Variants in SYNDIG1 observed in about 807,000 individuals in gnomAD.
SYNDIG1 encodes the protein synapse differentiation inducing 1.
In SYNDIG1, 9 loss-of-function variants were observed where a neutral mutation model predicts 19.4. The ratio of observed to expected loss-of-function variants is 0.46; its 90% CI spans 0.28 to 0.81. The LOEUF is 0.81. Ranked by LOEUF, SYNDIG1 falls within the 30% of genes least tolerant of loss-of-function variation. The pLI is 0.12. For synonymous variants in SYNDIG1, 141 were observed against 145.9 expected (o/e 0.97, Z 0.24); for missense variants, 311 against 343.3 (o/e 0.91, Z 0.74).
In SYNDIG1 at chr20:24,507,406, A is replaced by G. The variant is rs564496789; in HGVS notation, c.-78-35614A>G. Among the ~76,000 whole-genome samples, 4 of 152,372 alleles carry G rather than the reference A, an allele frequency of 2.6e-5. No individual in the cohort carries two copies. The South Asian group carries it at 8.3e-4, about 32-fold the overall frequency. On this transcript the variant is annotated intron_variant, in intron 1 of 3. Coordinates refer to ENST00000376862, the MANE Select transcript of SYNDIG1 (RefSeq NM_024893.3). ...CCTGAAGGAGGAATAAATAAGACTC[A>G]ATACCAATTTGTCCCTGGCTGGTGA...
intron 1 of SYNDIG1, among the ~76,000 whole-genome samples, chr20:24,527,878 G>A (rs1428917063): frequency 1.3e-5 from 2 of 152,152 alleles, no homozygotes; most frequent in African/African-American, 4.8e-5. Context: ...ATGCCCTTCA[G>A]GTGATTCAAA....
chr20:24,574,171 C>T (rs1349510952), intron 2 of SYNDIG1, among the ~76,000 whole-genome samples: 1 of 152,088 alleles, frequency 6.6e-6, no homozygotes, highest in East Asian at 1.9e-4. Flanking sequence ...CTGCAAGGAG[C>T]CAGGCCTCAA....
Position 24,618,458 on chromosome 20 carries a change from C to A in SYNDIG1, c.618+33465C>A, listed in dbSNP as rs184859545. 2.2e-4 allele frequency among the ~76,000 whole-genome samples: 34 copies of A among 152,238 alleles called. No individual in the cohort carries two copies. In the East Asian group the frequency reaches 6.4e-3, roughly 29 times the overall value. On this transcript the variant is annotated intron_variant, in intron 3 of 3. Coordinates refer to ENST00000376862, the MANE Select transcript of SYNDIG1 (RefSeq NM_024893.3). ...ACCAGGCCTCGTGGGCACCACGGGG[C>A]TCAGCCTCTCCTTCTCTTGTCGGGG...
At chr20:24,548,953 G>T (rs2146776590) in intron 2 of SYNDIG1, among the ~76,000 whole-genome samples, 1 of 151,844 alleles carries the variant, frequency 6.6e-6, no homozygotes, top group South Asian at 2.1e-4. Context: ...CAAATAAATG[G>T]GATATTCATA....
chr20:24,627,150 G>GAGAGCGAGAGC lies in SYNDIG1; in HGVS notation c.619-38196_619-38195insAGAGCGAGAGC, dbSNP rs1568697901. ...GGGAGAGGGAGAGGGAGAGGGAGAG[G>GAGAGCGAGAGC]GAGAGCGAGAGCGAGAGCGAGAGCG... On this transcript the variant is annotated intron_variant, in intron 3 of 3. Transcript: ENST00000376862. 8.5e-3 allele frequency among the ~76,000 whole-genome samples: 1,156 copies of GAGAGCGAGAGC among 136,402 alleles called. 17 individuals are homozygous for GAGAGCGAGAGC. The highest frequency in any genetic ancestry group is 0.032 in the African/African-American group (1,101 of 34,474). The allele number at this position is 136,402 out of a possible 152,430, so 89.5% of individuals were successfully genotyped here. A position where few individuals can be genotyped will look rare whatever the true frequency, so the allele number is the denominator to read the frequency against.
At chr20:24,661,393 G>GGGAGGAAGAAGGGAGGAAAGAA (rs2059588053) in intron 3 of SYNDIG1, among the ~76,000 whole-genome samples, 1 of 143,924 alleles carries the variant, frequency 6.9e-6, no homozygotes, top group Non-Finnish European at 1.5e-5. Context: ...GGAGGAAAGA[G>GGGAGGAAGAAGGGAGGAAAGAA]GGAGGAGGTA....
chr20:24,503,228 T>C (rs1242866375), intron 1 of SYNDIG1, among the ~76,000 whole-genome samples: 1 of 152,200 alleles, frequency 6.6e-6, no homozygotes, highest in Non-Finnish European at 1.5e-5. Flanking sequence ...CCTGGAAATA[T>C]AGCTGGGGAT....
chr20:24,504,546 C>T (rs1017725555), intron 1 of SYNDIG1, among the ~76,000 whole-genome samples: 3 of 151,956 alleles, frequency 2.0e-5, no homozygotes, highest in African/African-American at 4.8e-5. Flanking sequence ...ATCTGTGGCT[C>T]GGAGGCTGCC....
intron 2 of SYNDIG1, among the ~76,000 whole-genome samples, chr20:24,556,779 G>A (rs2057829221): frequency 1.3e-5 from 2 of 152,210 alleles, no homozygotes; most frequent in South Asian, 4.2e-4. Context: ...TGACAATTAT[G>A]TGTCTTGGAG....
At chr20:24,647,242 G>A (rs372403611) in intron 3 of SYNDIG1, among the ~76,000 whole-genome samples, 52 of 152,058 alleles carry the variant, frequency 3.4e-4, no homozygotes, top group African/African-American at 1.2e-3. Context: ...GGAACCGAGG[G>A]AACTAAACAG....
At chr20:24,646,251 T>C (rs986673364) in intron 3 of SYNDIG1, among the ~76,000 whole-genome samples, 5 of 152,206 alleles carry the variant, frequency 3.3e-5, no homozygotes, top group Non-Finnish European at 7.3e-5. Context: ...CAACACTGCC[T>C]ATACACATCA....
At chr20:24,605,253 A>G (rs973364132) in intron 3 of SYNDIG1, among the ~76,000 whole-genome samples, 14 of 152,332 alleles carry the variant, frequency 9.2e-5, no homozygotes, top group Admixed American at 6.5e-5. Flanking sequence ...GAAGGTTGCA[A>G]TGAGGGCTAC....
chr20:24,474,035 G>A (rs533840202), intron 1 of SYNDIG1, among the ~76,000 whole-genome samples: 1 of 152,324 alleles, frequency 6.6e-6, no homozygotes, highest in South Asian at 2.1e-4. Context: ...ATGGATACAT[G>A]CACAGGAATG....
intron 1 of SYNDIG1, among the ~76,000 whole-genome samples, chr20:24,530,811 G>GTT (rs374193810): frequency 2.1e-5 from 3 of 141,686 alleles, no homozygotes; most frequent in African/African-American, 2.6e-5. Flanking sequence ...TGGGTTTTTT[G>GTT]TTTTTTTTTT....
In SYNDIG1 at chr20:24,493,357, AAC is replaced by A. The variant is rs568192462; in HGVS notation, c.-79+23607_-79+23608del. Among the ~76,000 whole-genome samples the A allele has an allele frequency of 1.8e-4, 27 of 152,268 alleles. No individual in the cohort carries two copies. The East Asian group carries it at 5.2e-3, about 29-fold the overall frequency. On this transcript the variant is annotated intron_variant, in intron 1 of 3. Coordinates refer to ENST00000376862, the MANE Select transcript of SYNDIG1 (RefSeq NM_024893.3). ...ACACACATCCATGCACAGGCATGGA[AAC>A]ACGCATGCACACACACATGTGGACA...
intron 1 of SYNDIG1, among the ~76,000 whole-genome samples, chr20:24,473,035 T>G (rs977562937): frequency 6.6e-6 from 1 of 152,178 alleles, no homozygotes; most frequent in African/African-American, 2.4e-5. Context: ...CAGACCCTCA[T>G]GCACATTGGA....
rs148151807 is a variant in SYNDIG1 at position 24,584,983 on chromosome 20, T to G, written c.608T>G (p.Leu203Trp). 1.4e-5 allele frequency: 23 copies of G among 1,608,698 alleles called. No individual in the cohort carries two copies. The African/African-American group carries it at 2.6e-4, about 18-fold the overall frequency. ...CCTCTGGGCATCGCAGCCTTCTACT[T>G]GTCCCATGAGGTAAGGCCTCCTTGG... is the stretch of plus-strand genomic sequence containing the variant. ...FWPLGIAAFY[L>W]SHETNKAVAK... Residue 203 changes from leucine to tryptophan, a missense_variant, in exon 3 of 4, where the codon TTG (leucine) becomes TGG (tryptophan). Physicochemically the swap from Leu to Trp is moderately conservative, Grantham distance 61. Transcript: ENST00000376862.
intron 2 of SYNDIG1, among the ~76,000 whole-genome samples, chr20:24,581,160 C>T (rs1191099680): frequency 6.6e-6 from 1 of 152,102 alleles, no homozygotes; most frequent in Non-Finnish European, 1.5e-5. Context: ...AGCTCAGAGC[C>T]CTGGGTGCGC....
intron 1 of SYNDIG1, among the ~76,000 whole-genome samples, chr20:24,492,636 C>T (rs1367115929): frequency 1.3e-5 from 2 of 152,188 alleles, no homozygotes; most frequent in Admixed American, 6.5e-5. Flanking sequence ...GTGCAGTCCC[C>T]ACAACCGCCC....
Sources: allele counts gnomAD v4.1 joint callset (sites outside exome capture counted in the v4.1 genomes callset), GRCh38; gene constraint gnomAD v4.1.1; transcripts MANE v1.5; gene names NCBI Gene and HGNC (gene_info 2026-07-23, HGNC 2026-07-21).